PDE11A: variants seen among roughly 807,000 people sequenced by gnomAD.
PDE11A encodes the protein dual 3',5'-cyclic-AMP and -GMP phosphodiesterase 11A.
PDE11A carries 100 observed loss-of-function variants against 100.5 expected under a neutral mutation model. The ratio of observed to expected loss-of-function variants is 1.00; its 90% CI spans 0.85 to 1.18. PDE11A has a LOEUF of 1.18. Ranked by LOEUF, PDE11A falls within the 50% of genes most tolerant of loss-of-function variation. PDE11A has a pLI of 0.00. For missense variants in PDE11A, 1,141 were observed against 1,152.6 expected (o/e 0.99, Z 0.15); for synonymous variants, 381 against 420.8 (o/e 0.91, Z 1.16).
chr2:178,057,565 A>C (rs190487017), intron 1 of PDE11A, among the ~76,000 whole-genome samples: 2 of 152,312 alleles, frequency 1.3e-5, no homozygotes, highest in Non-Finnish European at 2.9e-5. Flanking sequence ...GATTTAAATA[A>C]ACATATGAAA....
At chr2:177,995,645 C>CA (rs1559036094) in intron 2 of PDE11A, among the ~76,000 whole-genome samples, 3 of 104,952 alleles carry the variant, frequency 2.9e-5, no homozygotes, top group South Asian at 3.5e-4. Context: ...CCACAAACAC[C>CA]ACCCACCCCG....
intron 10 of PDE11A, among the ~76,000 whole-genome samples, chr2:177,738,897 C>T (rs3754994): frequency 0.69 from 104,580 of 152,178 alleles, 38,258 homozygotes; most frequent in East Asian, 0.86. Flanking sequence ...GACCAGGGTT[C>T]GTAAACTAAT....
chr2:177,951,663 G>C (rs2085506713), intron 2 of PDE11A, among the ~76,000 whole-genome samples: 3 of 152,150 alleles, frequency 2.0e-5, no homozygotes, highest in Admixed American at 2.0e-4. Context: ...ATGCAAGTGG[G>C]ATATGTGACA....
intron 12 of PDE11A, among the ~76,000 whole-genome samples, chr2:177,715,422 A>C (rs1266815607): frequency 6.6e-6 from 1 of 151,878 alleles, no homozygotes; most frequent in East Asian, 1.9e-4. Flanking sequence ...AATCTGGAGA[A>C]TCAATTTCTT....
Position 177,950,931 on chromosome 2 carries a change from C to CAA in PDE11A, c.1072-45746_1072-45745dup, listed in dbSNP as rs71410778. ...TGGGCAAAAGAGTGAGACTCCGTCT[C>CAA]AAAAAAAAAAGAAAATTGTTAAGTC... is the stretch of plus-strand genomic sequence containing the variant. On this transcript the variant is annotated intron_variant, in intron 2 of 19. Coordinates refer to ENST00000286063, the MANE Select transcript of PDE11A (RefSeq NM_016953.4). 2.7e-4 allele frequency among the ~76,000 whole-genome samples: 38 copies of CAA among 141,588 alleles called. 1 individual carries two copies. The highest frequency in any genetic ancestry group is 6.8e-4 in the South Asian group (3 of 4,438). 92.9% of individuals were successfully genotyped at this position (141,588 alleles called of 152,430 possible).
chr2:177,826,338 A>G (rs1272262481), intron 6 of PDE11A, among the ~76,000 whole-genome samples: 2 of 152,224 alleles, frequency 1.3e-5, no homozygotes, highest in African/African-American at 2.4e-5. Context: ...GTGATAATAT[A>G]ATACTATTTA....
chr2:177,917,991 T>C lies in PDE11A; in HGVS notation c.1072-12804A>G, dbSNP rs73978657. The stretch of plus-strand genomic sequence containing the variant: ...AATATTATAAGTGTAAAAGCCTTGA[T>C]ATAATTCGTAAGTTGTATCTATGCA... On this transcript the variant is annotated intron_variant, in intron 2 of 19. Transcript: ENST00000286063. Among the ~76,000 whole-genome samples, 1,039 of 152,308 alleles carry C rather than the reference T, an allele frequency of 6.8e-3. 10 individuals are homozygous for C. Among genetic ancestry groups the C allele is most frequent in the African/African-American group, 0.024 (995 of 41,568 alleles).
chr2:177,651,945 C>T (rs573387880), intron 19 of PDE11A, among the ~76,000 whole-genome samples: 1 of 152,296 alleles, frequency 6.6e-6, no homozygotes, highest in South Asian at 2.1e-4. Flanking sequence ...TTAACACCGC[C>T]ACAGGGCAAT....
chr2:177,796,049 GAT>G (rs143437359), intron 9 of PDE11A, among the ~76,000 whole-genome samples: 1 of 145,722 alleles, frequency 6.9e-6, no homozygotes, highest in Non-Finnish European at 1.5e-5. Context: ...ATCTTAAAGT[GAT>G]ATATATATAT....
At chr2:177,687,368 C>T (rs1308214313) in intron 15 of PDE11A, 1 of 152,076 alleles carries the variant, frequency 6.6e-6, no homozygotes, top group African/African-American at 2.4e-5. Context: ...TTTTACTAGG[C>T]AAATTTTGTA....
At chr2:177,670,029 ACTC>A (rs2080652616) in intron 17 of PDE11A, among the ~76,000 whole-genome samples, 6 of 151,748 alleles carry the variant, frequency 4.0e-5, no homozygotes, top group Admixed American at 1.3e-4. Flanking sequence ...CCACATGAAA[ACTC>A]CTCAACTCCC....
At chr2:177,946,753 G>A (rs1237235960) in intron 2 of PDE11A, among the ~76,000 whole-genome samples, 37 of 34,412 alleles carry the variant, frequency 1.1e-3, no homozygotes, top group Admixed American at 2.3e-3. Context: ...TCAGCCCCCC[G>A]CCCGGCCAGC....
intron 15 of PDE11A, chr2:177,687,772 A>C (rs1210826951): frequency 6.6e-6 from 1 of 152,162 alleles, no homozygotes; most frequent in Admixed American, 6.6e-5. Context: ...ATAGTTATAG[A>C]CTGGTAGGGC....
chr2:177,997,186 T>C (rs773501515), intron 2 of PDE11A: 3 of 1,244,122 alleles, frequency 2.4e-6, no homozygotes, highest in Admixed American at 1.8e-5. Context: ...AGAATGCTGA[T>C]GTCTTATTCA....
intron 1 of PDE11A, among the ~76,000 whole-genome samples, chr2:178,048,761 T>C (rs912056735): frequency 1.3e-5 from 2 of 152,222 alleles, no homozygotes; most frequent in Admixed American, 1.3e-4. Flanking sequence ...CGCCTATAAA[T>C]ATAAGCCCAT....
chr2:177,805,092 T>A lies in PDE11A; in HGVS notation c.1737+11737A>T, dbSNP rs559299847. On this transcript the variant is annotated intron_variant, in intron 9 of 19. Coordinates refer to ENST00000286063, the MANE Select transcript of PDE11A (RefSeq NM_016953.4). Reference sequence around the variant, plus strand: ...CTAAATATATTTTTTAATTAAAAAATATATATATATTTAGATGTATGTAGT... The same window carrying A: ...CTAAATATATTTTTTAATTAAAAAAAATATATATATTTAGATGTATGTAGT... Among the ~76,000 whole-genome samples the A allele has an allele frequency of 1.2e-3, 174 of 151,050 alleles. 1 individual carries two copies. The highest frequency in any genetic ancestry group is 3.5e-3 in the Middle Eastern group (1 of 286).
At chr2:177,962,890 G>A (rs1379276434) in intron 2 of PDE11A, among the ~76,000 whole-genome samples, 1 of 152,134 alleles carries the variant, frequency 6.6e-6, no homozygotes, top group Admixed American at 6.5e-5. Flanking sequence ...GATTTGAACT[G>A]GAGGTTTGGT....
intron 2 of PDE11A, among the ~76,000 whole-genome samples, chr2:178,095,659 T>G (rs1290727052): frequency 6.6e-6 from 1 of 152,246 alleles, no homozygotes; most frequent in Non-Finnish European, 1.5e-5. Flanking sequence ...CCTTTCACAC[T>G]GCCCTAGCAG....
chr2:178,072,541 A>G lies in PDE11A; in HGVS notation c.-104T>C, dbSNP rs2087150494. The G allele has an allele frequency of 6.4e-7, 1 of 1,557,050 alleles. No homozygotes were observed. The highest frequency in any genetic ancestry group is 1.9e-4 in the Middle Eastern group (1 of 5,294). ...CATGTTCACCCCCACCAGTATTCCC[A>G]GTTCAGCGCCACCTCCCCTGGAGAT... On this transcript the variant is annotated 5_prime_UTR_variant, in exon 1 of 20. Transcript: ENST00000286063.
Sources: allele counts gnomAD v4.1 joint callset (sites outside exome capture counted in the v4.1 genomes callset), GRCh38; gene constraint gnomAD v4.1.1; transcripts MANE v1.5; gene names NCBI Gene and HGNC (gene_info 2026-07-23, HGNC 2026-07-21).